The following KAZN variants were observed in gnomAD, a reference collection of about 807,000 sequenced individuals.
The protein encoded by KAZN is kazrin, periplakin interacting protein.
A neutral mutation model predicts 87.4 loss-of-function variants in KAZN; 40 were observed. That is an observed-to-expected ratio of 0.46 (90% CI 0.36 to 0.60). The LOEUF (loss-of-function observed/expected upper bound fraction) is 0.60, where lower values mean the gene tolerates loss of function less well. Among genes scored for constraint, KAZN ranks in the 20% least tolerant of loss-of-function variants. The probability of loss-of-function intolerance (pLI) is 0.00; values close to 1 mark genes in which losing one functional copy is unlikely to be tolerated. For missense variants in KAZN, 898 were observed against 1,073.9 expected (o/e 0.84, Z 2.29); for synonymous variants, 466 against 458.3 (o/e 1.02, Z -0.22).
intron 10 of KAZN, among the ~76,000 whole-genome samples, chr1:15,100,901 C>T (rs1254821583): frequency 6.6e-6 from 1 of 152,140 alleles, no homozygotes; most frequent in Non-Finnish European, 1.5e-5. Context: ...GACCGCAGAG[C>T]ACTGGGGAGG....
intron 1 of KAZN, among the ~76,000 whole-genome samples, chr1:14,762,163 T>G (rs991244756): frequency 3.9e-5 from 6 of 152,166 alleles, no homozygotes; most frequent in African/African-American, 1.4e-4. Context: ...TTGAGGGCAG[T>G]GATTCTTGAA....
intron 1 of KAZN, among the ~76,000 whole-genome samples, chr1:13,949,064 A>G (rs1641251056): frequency 6.6e-6 from 1 of 152,132 alleles, no homozygotes; most frequent in Admixed American, 6.5e-5. Context: ...AACAGAACTC[A>G]AACCCAGGTT....
intron 1 of KAZN, among the ~76,000 whole-genome samples, chr1:14,701,636 G>GT (rs1030913572): frequency 3.3e-5 from 5 of 152,112 alleles, no homozygotes; most frequent in African/African-American, 1.2e-4. Flanking sequence ...TACCAATACA[G>GT]TTTTTTAGAA....
chr1:14,540,903 C>G (rs112415407), intron 2 of KAZN, among the ~76,000 whole-genome samples: 58 of 152,232 alleles, frequency 3.8e-4, no homozygotes, highest in African/African-American at 1.3e-3. Context: ...TTCTAGCTCC[C>G]AGCTGGGTTT....
At chr1:14,347,428 A>C (rs555587697) in intron 2 of KAZN, among the ~76,000 whole-genome samples, 1 of 152,166 alleles carries the variant, frequency 6.6e-6, no homozygotes, top group Non-Finnish European at 1.5e-5. Flanking sequence ...AAGACACGCT[A>C]AAGAGTCTGA....
At chr1:14,832,721 C>A (rs1025611934) in intron 1 of KAZN, among the ~76,000 whole-genome samples, 2 of 152,142 alleles carry the variant, frequency 1.3e-5, no homozygotes, top group Non-Finnish European at 1.5e-5. Flanking sequence ...CTGGGTTGGA[C>A]AAGTATGGTC....
intron 2 of KAZN, among the ~76,000 whole-genome samples, chr1:14,299,198 G>A (rs573974144): frequency 1.3e-5 from 2 of 152,144 alleles, no homozygotes; most frequent in African/African-American, 2.4e-5. Context: ...GATAAGAAAC[G>A]AAACAAATAA....
intron 1 of KAZN, among the ~76,000 whole-genome samples, chr1:13,904,260 C>G (rs1639357026): frequency 6.6e-6 from 1 of 152,146 alleles, no homozygotes; most frequent in African/African-American, 2.4e-5. Flanking sequence ...ACTTCTAAGA[C>G]AGGTGAAAAG....
chr1:14,796,813 AAG>A (rs1645842458), intron 1 of KAZN, among the ~76,000 whole-genome samples: 1 of 152,232 alleles, frequency 6.6e-6, no homozygotes, highest in Non-Finnish European at 1.5e-5. Context: ...TGAAAGGAGA[AAG>A]AGTCTCGAAC....
At chr1:13,966,704 G>A (rs562305747) in intron 1 of KAZN, among the ~76,000 whole-genome samples, 120 of 152,312 alleles carry the variant, frequency 7.9e-4, no homozygotes, top group African/African-American at 2.7e-3. Flanking sequence ...TGTGCCGTAA[G>A]TGTAAAATAG....
chr1:14,987,409 G>A (rs1429539665), intron 2 of KAZN, among the ~76,000 whole-genome samples: 47 of 152,186 alleles, frequency 3.1e-4, no homozygotes, highest in Admixed American at 2.6e-3. Context: ...CAGGAGAATC[G>A]CTTGAACCCA....
At chr1:14,591,862 A>G (rs1185514547) in intron 2 of KAZN, among the ~76,000 whole-genome samples, 2 of 152,160 alleles carry the variant, frequency 1.3e-5, no homozygotes, top group Non-Finnish European at 2.9e-5. Flanking sequence ...TTTCCATCTT[A>G]TAGCTGCTGG....
chr1:14,668,009 G>A (rs1639676460), intron 1 of KAZN, among the ~76,000 whole-genome samples: 1 of 152,088 alleles, frequency 6.6e-6, no homozygotes, highest in African/African-American at 2.4e-5. Flanking sequence ...AAACACTGAT[G>A]TGACTGTTGC....
At chr1:14,149,280 T>TTA (rs1645423842) in intron 1 of KAZN, among the ~76,000 whole-genome samples, 1 of 150,980 alleles carries the variant, frequency 6.6e-6, no homozygotes, top group South Asian at 2.1e-4. Flanking sequence ...TTTTTGTATT[T>TTA]TTTTTTTTGG....
intron 2 of KAZN, among the ~76,000 whole-genome samples, chr1:14,465,401 A>AT (rs1668070939): frequency 6.7e-6 from 1 of 150,334 alleles, no homozygotes; most frequent in Non-Finnish European, 1.5e-5. Flanking sequence ...TCTGTCTCAA[A>AT]AAAAAAAAAA....
Position 15,099,490 on chromosome 1 carries a change from G to A in KAZN, c.1548-2053G>A, listed in dbSNP as rs1335586819. Among the ~76,000 whole-genome samples, 11 of 152,190 alleles carry A rather than the reference G, an allele frequency of 7.2e-5. No homozygotes were observed. Among genetic ancestry groups the A allele is most frequent in the Non-Finnish European group, 1.3e-4 (9 of 68,038 alleles). The stretch of plus-strand genomic sequence containing the variant: ...GAGAAAAGGGAGATTTGACGCCCAA[G>A]GGATGAGGAGGGGTGAGCCCTGGGC... On this transcript the variant is annotated intron_variant, in intron 10 of 14. Coordinates refer to ENST00000376030, the MANE Select transcript of KAZN (RefSeq NM_201628.3). This position sits in a 1 kb window ranked among gnomAD's most constrained non-coding sequence, Gnocchi z 5.4.
chr1:14,601,481 G>GT (rs1349954373), intron 1 of KAZN, among the ~76,000 whole-genome samples: 2 of 149,094 alleles, frequency 1.3e-5, no homozygotes, highest in Admixed American at 6.7e-5. Flanking sequence ...GTTTGTTTTT[G>GT]TTTTTTTCAT....
chr1:14,340,440 T>G (rs1264565242), intron 2 of KAZN, among the ~76,000 whole-genome samples: 1 of 152,262 alleles, frequency 6.6e-6, no homozygotes, highest in Non-Finnish European at 1.5e-5. Context: ...GTCACAGACT[T>G]GGAAATCACA....
chr1:14,353,647 C>T (rs1485742326), intron 2 of KAZN, among the ~76,000 whole-genome samples: 1 of 152,000 alleles, frequency 6.6e-6, no homozygotes. Flanking sequence ...TATCTTTTAG[C>T]AAGAAACAAT....
Sources: allele counts gnomAD v4.1 joint callset (sites outside exome capture counted in the v4.1 genomes callset), GRCh38; gene constraint gnomAD v4.1.1; non-coding constraint Gnocchi (gnomAD v3.1); transcripts MANE v1.5; gene names NCBI Gene and HGNC (gene_info 2026-07-23, HGNC 2026-07-21).